Variants in PCLO observed in about 807,000 individuals in gnomAD.
PCLO encodes the protein piccolo presynaptic cytomatrix protein.
Under a neutral mutation model 427.5 loss-of-function variants are expected in PCLO, and 82 were observed. The observed-to-expected ratio is 0.19, with a 90% CI of 0.16 to 0.23. The LOEUF is 0.23. Among genes scored for constraint, PCLO ranks in the 10% least tolerant of loss-of-function variants. PCLO has a pLI of 1.00. For synonymous variants in PCLO, 2,357 were observed against 2,155.4 expected (o/e 1.09, Z -2.59); for missense variants, 6,239 against 6,115.9 (o/e 1.02, Z -0.67).
intron 22 of PCLO, among the ~76,000 whole-genome samples, chr7:82,770,222 C>A (rs1583955333): frequency 6.6e-6 from 1 of 151,940 alleles, no homozygotes; most frequent in East Asian, 1.9e-4. Context: ...AGCATTAATT[C>A]TTTTTATTTC....
At chr7:82,814,611 G>T (rs963848950) in intron 20 of PCLO, among the ~76,000 whole-genome samples, 1 of 151,192 alleles carries the variant, frequency 6.6e-6, no homozygotes, top group African/African-American at 2.4e-5. Context: ...TGTTATGTAG[G>T]TTATATCTAC....
At chr7:82,996,423 G>A (rs765913212) in intron 3 of PCLO, among the ~76,000 whole-genome samples, 5 of 151,954 alleles carry the variant, frequency 3.3e-5, no homozygotes, top group Non-Finnish European at 5.9e-5. Flanking sequence ...TAGAAGTACT[G>A]AACCCATAAG....
At chr7:83,109,562 T>C (rs1018081194) in intron 3 of PCLO, among the ~76,000 whole-genome samples, 5 of 152,166 alleles carry the variant, frequency 3.3e-5, no homozygotes, top group Non-Finnish European at 7.4e-5. Context: ...AATGACAGTT[T>C]TCTGAATTAT....
intron 2 of PCLO, among the ~76,000 whole-genome samples, chr7:83,152,727 C>T (rs6979718): frequency 0.63 from 95,605 of 151,996 alleles, 30,393 homozygotes; most frequent in Middle Eastern, 0.71. Context: ...CCATGAAGTT[C>T]TCCTTAATCT....
At chr7:83,037,007 C>T (rs1280412708) in intron 3 of PCLO, among the ~76,000 whole-genome samples, 3 of 152,058 alleles carry the variant, frequency 2.0e-5, no homozygotes, top group Non-Finnish European at 4.4e-5. Flanking sequence ...TGACATTCAA[C>T]TTTCTGATGC....
chr7:83,045,426 T>C (rs892405329), intron 3 of PCLO, among the ~76,000 whole-genome samples: 1 of 152,162 alleles, frequency 6.6e-6, no homozygotes, highest in South Asian at 2.1e-4. Context: ...CCAGCTAAAA[T>C]GCCTTCTGCT....
chr7:82,826,379 A>T (rs1263009384), intron 18 of PCLO, among the ~76,000 whole-genome samples: 1 of 152,260 alleles, frequency 6.6e-6, no homozygotes, highest in African/African-American at 2.4e-5. Flanking sequence ...CTTAGAAATT[A>T]ATTATAAAGT....
intron 14 of PCLO, among the ~76,000 whole-genome samples, chr7:82,838,831 A>G (rs1792295072): frequency 1.3e-5 from 2 of 152,006 alleles, no homozygotes; most frequent in Non-Finnish European, 2.9e-5. Flanking sequence ...ATATTTAAGA[A>G]TACACAGATT....
At chr7:82,984,986 A>T (rs903673030) in intron 3 of PCLO, among the ~76,000 whole-genome samples, 1 of 152,054 alleles carries the variant, frequency 6.6e-6, no homozygotes, top group Admixed American at 6.6e-5. Flanking sequence ...TTGAAAGAAT[A>T]TTACAATTAC....
intron 3 of PCLO, among the ~76,000 whole-genome samples, chr7:83,024,479 C>T (rs1788432653): frequency 1.3e-5 from 2 of 152,184 alleles, no homozygotes; most frequent in African/African-American, 4.8e-5. Context: ...TCGCTGATTG[C>T]TAGCACGGCA....
At position 82,915,553 on chromosome 7, in the gene PCLO, G is replaced by C; in HGVS notation, c.12433C>G (p.Leu4145Val). 4 of 1,613,666 alleles carry C rather than the reference G, an allele frequency of 2.5e-6. No homozygotes were observed. The highest frequency in any genetic ancestry group is 3.4e-6 in the Non-Finnish European group (4 of 1,179,714). Residue 4145 changes from leucine to valine, a missense_variant, in exon 7 of 25, where the codon CTT becomes GTT. Leu to Val is a conservative substitution (Grantham distance 32, BLOSUM62 1). Around this residue, in one of 5 missense-constraint regions of PCLO, gnomAD observed 680 missense variants for 677.3 expected, o/e 1.00. Coordinates refer to ENST00000333891, the MANE Select transcript of PCLO (RefSeq NM_033026.6). ...GTESLDHLAG[L>V]SHYYHADTSY... ...GTATCAGCATGGTAATAATGAGAAA[G>C]ACCAGCAAGGTGATCTAAGCTCTCT...
At chr7:83,088,794 C>CAAG (rs751440707) in intron 3 of PCLO, among the ~76,000 whole-genome samples, 24 of 152,242 alleles carry the variant, frequency 1.6e-4, no homozygotes, top group South Asian at 1.2e-3. Context: ...GATGTCCTTA[C>CAAG]CACAGAGAAA....
At chr7:82,903,645 T>G (rs1036144227) in intron 8 of PCLO, among the ~76,000 whole-genome samples, 1 of 152,010 alleles carries the variant, frequency 6.6e-6, no homozygotes, top group Non-Finnish European at 1.5e-5. Context: ...AGATATTTAC[T>G]CTTACCTATA....
chr7:82,827,693 T>G (rs570246032), intron 17 of PCLO, among the ~76,000 whole-genome samples, 180 bp downstream of exon 17: 1 of 152,224 alleles, frequency 6.6e-6, no homozygotes, highest in African/African-American at 2.4e-5. Flanking sequence ...GCACATTTAC[T>G]TTCACCCTGT....
chr7:83,146,758 G>A (rs1584086167), intron 2 of PCLO, among the ~76,000 whole-genome samples: 1 of 151,834 alleles, frequency 6.6e-6, no homozygotes, highest in East Asian at 1.9e-4. Context: ...CCACCACCAC[G>A]CCCAGCTAAT....
At chr7:82,889,003 A>G (rs2116105045) in intron 9 of PCLO, among the ~76,000 whole-genome samples, 1 of 150,564 alleles carries the variant, frequency 6.6e-6, no homozygotes, top group African/African-American at 2.4e-5. Flanking sequence ...CCCTTGCCAA[A>G]CAATCCTCTT....
Position 82,890,834 on chromosome 7 carries a change from T to C in PCLO, c.13529-11372A>G, listed in dbSNP as rs556904096. Among the ~76,000 whole-genome samples the C allele has an allele frequency of 5.3e-5, 8 of 152,102 alleles. No homozygotes were observed. The East Asian group carries it at 1.2e-3, about 22-fold the overall frequency. On this transcript the variant is annotated intron_variant, in intron 9 of 24. Coordinates refer to ENST00000333891, the MANE Select transcript of PCLO (RefSeq NM_033026.6). ...CAAGGAAAAAAGAGGAGAATATTTG[T>C]ATTTGGAAGAAACAGTTATACTTTC...
intron 22 of PCLO, among the ~76,000 whole-genome samples, chr7:82,782,498 T>G (rs1274794966): frequency 6.6e-6 from 1 of 152,204 alleles, no homozygotes; most frequent in African/African-American, 2.4e-5. Context: ...GATTTTACAG[T>G]GCATCCAATA....
Position 83,155,332 on chromosome 7 carries a change from T to C in PCLO, c.1309A>G (p.Thr437Ala). 2 of 1,613,540 alleles carry C rather than the reference T, an allele frequency of 1.2e-6. No homozygotes were observed. The highest frequency in any genetic ancestry group is 1.7e-6 in the Non-Finnish European group (2 of 1,179,768). Residue 437 changes from threonine to alanine, a missense_variant, in exon 2 of 25, where the codon ACA (threonine) becomes GCA (alanine). By Grantham distance (58) the Thr-to-Ala change is moderately conservative. Transcript: ENST00000333891. ...CCAGGCTGCTGAACTGGAGTCTTTG[T>C]AGGCCCAGGTGCCTTAGCTGGAGAC... ...LQSPAKAPGP[T>A]KTPVQQPGPG...
Sources: gnomAD v4.1 joint callset for allele counts (sites outside exome capture counted in the v4.1 genomes callset) on GRCh38, gnomAD v4.1.1 for gene constraint, gnomAD v4.1.1 regional missense constraint, MANE v1.5 for transcripts, NCBI Gene and HGNC (gene_info 2026-07-23, HGNC 2026-07-21) for gene names.